Variants in ERI2 observed in about 807,000 individuals in gnomAD.
The protein encoded by ERI2 is ERI1 exoribonuclease family member 2.
ERI2 carries 35 observed loss-of-function variants against 46.8 expected under a neutral mutation model. The ratio of observed to expected loss-of-function variants is 0.75; its 90% CI spans 0.57 to 0.99. The LOEUF is 0.99. ERI2 is among the 50% of genes least tolerant of loss of function. The probability of loss-of-function intolerance (pLI) is 0.00; values close to 1 mark genes in which losing one functional copy is unlikely to be tolerated. For missense variants in ERI2, 695 were observed against 796.2 expected, an observed-to-expected ratio of 0.87 and a Z score of 1.53; for synonymous variants, 224 against 271.0, an observed-to-expected ratio of 0.83 and a Z score of 1.70.
Position 20,798,285 on chromosome 16 carries a change from T to A in ERI2, c.1515A>T (p.Lys505Asn), listed in dbSNP as rs2080756786. ...CATTAACTCTGTTGAAGGTACTTGA[T>A]TTGTGTTCAGGTAACTTAAAGGCAG... ...DISAFKLPEHKSSTFNRVNAN... is the reference protein window; with the variant it reads ...DISAFKLPEHNSSTFNRVNAN... The change falls in exon 9 of 9, where the codon AAA becomes AAT. Residue 505 changes from lysine (K) to asparagine (N), a missense_variant. By Grantham distance (94) the Lys-to-Asn change is moderately conservative (BLOSUM62 0). Coordinates refer to ENST00000357967, the MANE Select transcript of ERI2 (RefSeq NM_001142725.2). 2 of 1,551,548 alleles carry A rather than the reference T, an allele frequency of 1.3e-6. No homozygotes were observed. Among genetic ancestry groups the A allele is most frequent in the African/African-American group, 2.7e-5 (2 of 73,150 alleles).
rs760898150 is a variant in ERI2, at chr16:20,800,300, A to G, written c.561+2T>C. The G allele has an allele frequency of 1.9e-6, 3 of 1,592,474 alleles. No homozygotes were observed. The South Asian group carries it at 3.4e-5, about 18-fold the overall frequency. On this transcript the variant is annotated splice_donor_variant, in intron 6 of 8. Coordinates refer to ENST00000357967, the MANE Select transcript of ERI2 (RefSeq NM_001142725.2). LOFTEE classifies it high-confidence loss of function. ...AAACATGCCCCCATTTTTTACCATT[A>G]CCTTGTAAGTTGCTCTGAGATCAAT...
chr16:20,784,075 G>A (rs2080415487), intron 10 of ERI2, among the ~76,000 whole-genome samples: 1 of 152,034 alleles, frequency 6.6e-6, no homozygotes, highest in African/African-American at 2.4e-5. Context: ...CAAAGTGCTG[G>A]GATTACAGGT....
chr16:20,787,972 C>T (rs546385060), intron 10 of ERI2, among the ~76,000 whole-genome samples: 1 of 152,250 alleles, frequency 6.6e-6, no homozygotes, highest in Admixed American at 6.5e-5. Context: ...GAACTGATTT[C>T]ATAGGTTTCT....
At position 20,798,494 on chromosome 16, in the gene ERI2, T is replaced by C; in HGVS notation, c.1306A>G (p.Ile436Val). ...AATCTTTCTCCAGAATTAAATGAAA[T>C]CTCTAAGTCTGAGTCACTAATGGGA... ...TVPISDSDLE[I>V]SFNSGERLMV... The change falls in exon 9 of 9, where the codon ATT becomes GTT. Residue 436 changes from isoleucine to valine, a missense_variant. Physicochemically the swap from Ile to Val is conservative, Grantham distance 29. Coordinates refer to ENST00000357967, the MANE Select transcript of ERI2 (RefSeq NM_001142725.2). The C allele has an allele frequency of 1.3e-6, 2 of 1,551,536 alleles. No homozygotes were observed. The highest frequency in any genetic ancestry group is 2.4e-5 in the South Asian group (2 of 84,032).
In ERI2 at chr16:20,790,534, G is replaced by A. The variant is rs2080573860; in HGVS notation, c.815+316C>T. 1 of 1,506,926 alleles carries A rather than the reference G, an allele frequency of 6.6e-7. No individual in the cohort carries two copies. The highest frequency in any genetic ancestry group is 1.4e-5 in the African/African-American group (1 of 71,856). The allele number at this position is 1,506,926 out of a possible 1,614,324, so 93.3% of individuals were successfully genotyped here. A position where few individuals can be genotyped will look rare whatever the true frequency, so the allele number is the denominator to read the frequency against. On this transcript the variant is annotated intron_variant, in intron 9 of 10. Coordinates refer to the ERI2 transcript ENST00000300005. This position sits in a 1 kb window ranked among gnomAD's most constrained non-coding sequence, Gnocchi z 4.0. The stretch of plus-strand genomic sequence containing the variant: ...TAAAACTTGCAAAGTTAATATTTAA[G>A]CTGCGACATTAAACAAAAATTTCCT...
At chr16:20,792,513 G>T (rs1253671360), downstream of ERI2, 1 of 984,718 alleles carries the variant, frequency 1.0e-6, no homozygotes, top group Non-Finnish European at 1.2e-6. Flanking sequence ...ATGAGTTGCA[G>T]CTCTGATCCT....
chr16:20,789,666 T>C (rs1023868328), intron 9 of ERI2: 16 of 671,892 alleles, frequency 2.4e-5, no homozygotes, highest in Admixed American at 5.4e-5. Flanking sequence ...CTGTATATTA[T>C]AAAGCAACTC....
At chr16:20,794,743 A>C (rs2080683112), downstream of ERI2, among the ~76,000 whole-genome samples, 1 of 152,224 alleles carries the variant, frequency 6.6e-6, no homozygotes. Flanking sequence ...TCATTTAATC[A>C]TCATAATCTC....
chr16:20,785,472 T>C (rs1489871969), intron 10 of ERI2, among the ~76,000 whole-genome samples: 1 of 152,146 alleles, frequency 6.6e-6, no homozygotes, highest in East Asian at 1.9e-4. Context: ...GCCTGAAATA[T>C]TAAGAGTTTG....
chr16:20,788,065 T>C (rs1046948903), intron 10 of ERI2, among the ~76,000 whole-genome samples: 1 of 152,208 alleles, frequency 6.6e-6, no homozygotes, highest in Non-Finnish European at 1.5e-5. Flanking sequence ...ATGGGTACTG[T>C]TATTTACTTC....
chr16:20,805,496 CTAAT>C (rs2152496638), intron 1 of ERI2, among the ~76,000 whole-genome samples: 1 of 152,114 alleles, frequency 6.6e-6, no homozygotes, highest in African/African-American at 2.4e-5. Flanking sequence ...CCTTCCCCGT[CTAAT>C]TAGGAATAAA....
chr16:20,787,215 C>CAGG (rs1294102150), intron 10 of ERI2, among the ~76,000 whole-genome samples: 1 of 152,204 alleles, frequency 6.6e-6, no homozygotes, highest in Non-Finnish European at 1.5e-5. Context: ...AAGTTGAAAA[C>CAGG]ATCCTAAGTC....
chr16:20,797,070 T>A lies in ERI2; in HGVS notation c.*654A>T. 1 of 1,483,564 alleles carries A rather than the reference T, an allele frequency of 6.7e-7. No homozygotes were observed. Among genetic ancestry groups the A allele is most frequent in the East Asian group, 2.5e-5 (1 of 40,214 alleles). The allele number at this position is 1,483,564 out of a possible 1,614,324, so 91.9% of individuals were successfully genotyped here. A position where few individuals can be genotyped will look rare whatever the true frequency, so the allele number is the denominator to read the frequency against. ...GGAGAGGTCATAAAAACTGTGGTAG[T>A]ATGCTTAGAAACTGTTGATTTAAAA... On this transcript the variant is annotated 3_prime_UTR_variant, in exon 9 of 9. Coordinates refer to ENST00000357967, the MANE Select transcript of ERI2 (RefSeq NM_001142725.2).
At chr16:20,805,103 G>C (rs1389631149) in intron 1 of ERI2, among the ~76,000 whole-genome samples, 1 of 152,104 alleles carries the variant, frequency 6.6e-6, no homozygotes, top group Non-Finnish European at 1.5e-5. Flanking sequence ...AGGAATCAGG[G>C]AGGACACAAT....
In ERI2 at chr16:20,798,659, A is replaced by G; in HGVS notation, c.1141T>C (p.Ser381Pro). ...TGATGAACAGTTGGAACGGTGGTAG[A>G]AACAAGTACCAATTCTGAACCAACT... Reference protein sequence around the residue: ...STVGSELVLVSTTVPTVHHVS... With the variant: ...STVGSELVLVPTTVPTVHHVS... The change falls in exon 9 of 9, where the codon TCT becomes CCT. Residue 381 changes from serine (S) to proline (P), a missense_variant. Transcript: ENST00000357967. 1 of 1,551,682 alleles carries G rather than the reference A, an allele frequency of 6.4e-7. No individual in the cohort carries two copies. Among genetic ancestry groups the G allele is most frequent in the Non-Finnish European group, 8.7e-7 (1 of 1,146,918 alleles).
Position 20,790,730 on chromosome 16 carries a change from C to T in ERI2, c.815+120G>A. On this transcript the variant is annotated intron_variant, in intron 9 of 10. Transcript: ENST00000300005. The surrounding 1 kb of genome is among the most constrained non-coding windows in gnomAD (Gnocchi z 4.0). ...ATAATCTCATTTTCTATTTATTTCT[C>T]AAGTGCTTGGTAACAATCCCTGTTT... is the stretch of plus-strand genomic sequence containing the variant. 1 of 1,613,856 alleles carries T rather than the reference C, an allele frequency of 6.2e-7. No individual in the cohort carries two copies. The highest frequency in any genetic ancestry group is 8.5e-7 in the Non-Finnish European group (1 of 1,179,832).
chr16:20,789,507 T>C (rs775091910), exon 10 of ERI2: 2 of 1,613,822 alleles, frequency 1.2e-6, no homozygotes, highest in Non-Finnish European at 1.7e-6. Context: ...ATTCCCCTTT[T>C]CCTGTTTACT....
At chr16:20,791,945 C>T, downstream of ERI2, 15 of 1,561,192 alleles carry the variant, frequency 9.6e-6, no homozygotes, top group Admixed American at 1.9e-5. Flanking sequence ...AAAAAAAATT[C>T]CAATTGACCA....
chr16:20,781,238 T>A, intron 10 of ERI2: 2 of 1,351,972 alleles, frequency 1.5e-6, no homozygotes, highest in Non-Finnish European at 1.0e-6. Context: ...CAATATGATT[T>A]AAGATATGTC....
Sources: gnomAD v4.1 joint callset for allele counts (sites outside exome capture counted in the v4.1 genomes callset) on GRCh38, gnomAD v4.1.1 for gene constraint, Gnocchi (gnomAD v3.1) non-coding constraint, MANE v1.5 for transcripts, NCBI Gene and HGNC (gene_info 2026-07-23, HGNC 2026-07-21) for gene names.